The following MAST4 variants were observed in gnomAD, a reference collection of about 807,000 sequenced individuals.
MAST4 encodes microtubule-associated serine/threonine-protein kinase 4.
In MAST4, 89 loss-of-function variants were observed where a neutral mutation model predicts 162.7. The observed-to-expected ratio is 0.55, with a 90% CI of 0.46 to 0.65. The LOEUF (loss-of-function observed/expected upper bound fraction) is 0.65. Ranked by LOEUF, MAST4 falls within the 30% of genes least tolerant of loss-of-function variation. The pLI is 0.00. For synonymous variants in MAST4, 1,479 were observed against 1,361.1 expected, an observed-to-expected ratio of 1.09 and a Z score of -1.91; for missense variants, 3,153 against 3,374.0, an observed-to-expected ratio of 0.93 and a Z score of 1.62.
rs1766572595 is a variant in MAST4, at chr5:67,113,959, C to T, written c.1459-128C>T. 3 of 976,354 alleles carry T rather than the reference C, an allele frequency of 3.1e-6. No homozygotes were observed. The Admixed American group carries it at 7.5e-5, about 24-fold the overall frequency. 60.5% of individuals were successfully genotyped at this position (976,354 alleles called of 1,614,324 possible). On this transcript the variant is annotated intron_variant, in intron 11 of 28. Transcript: ENST00000403625. ...ATTACATACTTTTTAAAGCCATTTGCCTCCTTTCTGCATAAGTAACTTACA... is the reference window on the plus strand; with the variant it reads ...ATTACATACTTTTTAAAGCCATTTGTCTCCTTTCTGCATAAGTAACTTACA...
chr5:66,978,270 G>A (rs1374754215), intron 4 of MAST4, among the ~76,000 whole-genome samples: 2 of 152,194 alleles, frequency 1.3e-5, no homozygotes, highest in Non-Finnish European at 2.9e-5. Context: ...CCAAGGTTGG[G>A]TGAGTTGTAG....
At chr5:66,986,315 G>C (rs1749488614) in intron 4 of MAST4, 1 of 533,080 alleles carries the variant, frequency 1.9e-6, no homozygotes, top group South Asian at 2.5e-5. Context: ...GAGCCCAAGC[G>C]GGACTTGACT....
chr5:66,995,942 AAG>A (rs1395784731), intron 4 of MAST4, among the ~76,000 whole-genome samples: 9 of 151,886 alleles, frequency 5.9e-5, no homozygotes, highest in African/African-American at 2.2e-4. Flanking sequence ...AGAAGTATAA[AAG>A]AGGATAAATC....
intron 1 of MAST4, among the ~76,000 whole-genome samples, chr5:66,615,253 C>G (rs1220754580): frequency 6.6e-6 from 1 of 152,090 alleles, no homozygotes. Context: ...GCCCAGTAAA[C>G]CTTTTGGTGG....
chr5:66,612,538 A>G (rs527640551), intron 1 of MAST4, among the ~76,000 whole-genome samples: 1 of 152,296 alleles, frequency 6.6e-6, no homozygotes, highest in South Asian at 2.1e-4. Flanking sequence ...TGGGGAGGGA[A>G]GGAAGATGCA....
At chr5:66,722,984 A>G (rs1275656273) in intron 1 of MAST4, among the ~76,000 whole-genome samples, 3 of 152,164 alleles carry the variant, frequency 2.0e-5, no homozygotes, top group African/African-American at 4.8e-5. Context: ...AAAATCTATT[A>G]ATGGAGTGAA....
intron 3 of MAST4, among the ~76,000 whole-genome samples, chr5:66,856,376 T>C (rs1355412514): frequency 6.6e-6 from 1 of 152,174 alleles, no homozygotes; most frequent in Non-Finnish European, 1.5e-5. Flanking sequence ...AGGACCTTGA[T>C]GGTTTGGATG....
rs1427957332 is a variant in MAST4, at chr5:66,597,108, C to T, written c.363+90C>T. On this transcript the variant is annotated intron_variant, in intron 1 of 28. Coordinates refer to ENST00000403625, the MANE Select transcript of MAST4 (RefSeq NM_001164664.2). The stretch of plus-strand genomic sequence containing the variant: ...TGCGCACAGGCAGTGGGCAGGAGAG[C>T]GCTGTGGCCTGGAGATAGGGAGGGA... 9.4e-6 allele frequency: 12 copies of T among 1,278,968 alleles called. No homozygotes were observed. In the Admixed American group the frequency reaches 1.2e-4, roughly 13 times the overall value. 79.2% of individuals were successfully genotyped at this position (1,278,968 alleles called of 1,614,324 possible). A position where few individuals can be genotyped will look rare whatever the true frequency, so the allele number is the denominator to read the frequency against.
chr5:66,917,803 G>A (rs1382911689), intron 4 of MAST4, among the ~76,000 whole-genome samples: 5 of 151,958 alleles, frequency 3.3e-5, no homozygotes, highest in African/African-American at 9.7e-5. Flanking sequence ...CTTTTCTAGT[G>A]ACTTATAATT....
chr5:66,855,680 ACT>A (rs776765936), intron 3 of MAST4, among the ~76,000 whole-genome samples: 2 of 151,962 alleles, frequency 1.3e-5, no homozygotes, highest in Non-Finnish European at 2.9e-5. Context: ...TGAAAGAAAC[ACT>A]CTGGAATTGG....
At chr5:66,788,591 A>G in intron 2 of MAST4, 79 bp from the exon 3 acceptor site, 3 of 618,918 alleles carry the variant, frequency 4.8e-6, no homozygotes, top group Non-Finnish European at 8.7e-6. Flanking sequence ...AGGAAGAGAC[A>G]CCCCACCCCC....
At chr5:66,943,518 A>G (rs898472427) in intron 4 of MAST4, among the ~76,000 whole-genome samples, 7 of 152,248 alleles carry the variant, frequency 4.6e-5, no homozygotes, top group African/African-American at 1.7e-4. Flanking sequence ...CATGTACTCT[A>G]TAGCATACAG....
At position 67,167,350 on chromosome 5, in the gene MAST4, A is replaced by C; in HGVS notation, c.*299A>C. On this transcript the variant is annotated 3_prime_UTR_variant, in exon 29 of 29. Coordinates refer to ENST00000403625, the MANE Select transcript of MAST4 (RefSeq NM_001164664.2). Reference sequence around the variant, plus strand: ...ATGATTTTCTTTGTAAATATATAGCATCGTGTTTGGTTTGGGATGTAGAGT... The same window carrying C: ...ATGATTTTCTTTGTAAATATATAGCCTCGTGTTTGGTTTGGGATGTAGAGT... 4.1e-6 allele frequency: 1 copy of C among 245,110 alleles called. No homozygotes were observed. The highest frequency in any genetic ancestry group is 7.7e-6 in the Non-Finnish European group (1 of 129,870). 15.2% of individuals were successfully genotyped at this position (245,110 alleles called of 1,614,324 possible). A position where few individuals can be genotyped will look rare whatever the true frequency, so the allele number is the denominator to read the frequency against.
At chr5:66,777,715 T>C (rs532972185) in intron 2 of MAST4, among the ~76,000 whole-genome samples, 1 of 152,276 alleles carries the variant, frequency 6.6e-6, no homozygotes, top group Non-Finnish European at 1.5e-5. Context: ...AAGAGATGAC[T>C]CTTAATCATT....
At chr5:66,610,928 T>C (rs1056533531) in intron 1 of MAST4, among the ~76,000 whole-genome samples, 17 of 152,234 alleles carry the variant, frequency 1.1e-4, no homozygotes, top group African/African-American at 3.9e-4. Flanking sequence ...AACACAAAGC[T>C]AAATGTCTCC....
chr5:66,824,251 G>A (rs62361305), intron 3 of MAST4, among the ~76,000 whole-genome samples: 2 of 152,296 alleles, frequency 1.3e-5, no homozygotes, highest in South Asian at 4.1e-4. Context: ...AGATTGTACT[G>A]ATGGTATTGG....
intron 5 of MAST4, among the ~76,000 whole-genome samples, chr5:67,066,233 A>G (rs1760214236): frequency 6.6e-6 from 1 of 152,074 alleles, no homozygotes; most frequent in Admixed American, 6.5e-5. Flanking sequence ...ACAAAGAAGA[A>G]TTGAAAAATC....
chr5:67,032,348 C>T (rs1005615918), intron 4 of MAST4, among the ~76,000 whole-genome samples: 34 of 152,092 alleles, frequency 2.2e-4, no homozygotes, highest in Admixed American at 7.9e-4. Context: ...AACTTCCCCA[C>T]CCACGTTTTT....
At chr5:66,838,361 C>T (rs139881945) in intron 3 of MAST4, among the ~76,000 whole-genome samples, 7 of 152,226 alleles carry the variant, frequency 4.6e-5, no homozygotes, top group Non-Finnish European at 7.4e-5. Flanking sequence ...CAGTCAAGGA[C>T]AGAACCCCAT....
Sources: gnomAD v4.1 joint callset for allele counts (sites outside exome capture counted in the v4.1 genomes callset) on GRCh38, gnomAD v4.1.1 for gene constraint, MANE v1.5 for transcripts, NCBI Gene and HGNC (gene_info 2026-07-23, HGNC 2026-07-21) for gene names.